The following IGSF1 variants were observed in gnomAD, a reference collection of about 807,000 sequenced individuals.
The protein encoded by IGSF1 is immunoglobulin-like domain-containing protein 1.
In IGSF1, 40 loss-of-function variants were observed where a neutral mutation model predicts 95.3. The ratio of observed to expected loss-of-function variants is 0.42; its 90% confidence interval spans 0.33 to 0.55. The LOEUF (loss-of-function observed/expected upper bound fraction) is 0.55. Among genes scored for constraint, IGSF1 ranks in the 20% least tolerant of loss-of-function variants. IGSF1 has a pLI of 0.10. For missense variants in IGSF1, 906 were observed against 1,025.4 expected, an observed-to-expected ratio of 0.88 and a Z score of 1.59; for synonymous variants, 372 against 382.9, an observed-to-expected ratio of 0.97 and a Z score of 0.33.
Position 131,277,188 on chromosome X carries a change from G to C in IGSF1, c.2359C>G (p.Pro787Ala). The change falls in exon 14 of 20, where the codon CCT (proline) becomes GCT (alanine). Residue 787 changes from proline (P) to alanine (A), a missense_variant. Physicochemically the swap from Pro to Ala is conservative, Grantham distance 27 (BLOSUM62 -1). Coordinates refer to ENST00000361420, the MANE Select transcript of IGSF1 (RefSeq NM_001555.5). ...ACTCGGGCACCAGGGGTGACCACAG[G>C]GCTGGCCCATGTCTTGAAGAAGGGC... is the stretch of plus-strand genomic sequence containing the variant. ...PKPFFKTWASPVVTPGARVTF... is the reference protein window; with the variant it reads ...PKPFFKTWASAVVTPGARVTF... 1 of 1,210,112 alleles carries C rather than the reference G, an allele frequency of 8.3e-7. No homozygotes were observed. The highest frequency in any genetic ancestry group is 1.1e-6 in the Non-Finnish European group (1 of 894,630).
chrX:131,287,998 AC>A (rs1376840238), intron 1 of IGSF1, among the ~76,000 whole-genome samples: 1 of 111,908 alleles, frequency 8.9e-6, no homozygotes, highest in East Asian at 2.8e-4. Context: ...TCAGCCTCAA[AC>A]TTGCCCCAGT....
At chrX:131,288,641 G>A (rs1038785398) in intron 1 of IGSF1, among the ~76,000 whole-genome samples, 1 of 111,319 alleles carries the variant, frequency 9.0e-6, no homozygotes, top group African/African-American at 3.3e-5. Flanking sequence ...CAATCACTAA[G>A]GAAATTGTAC....
At position 131,274,503 on chromosome X, in the gene IGSF1, G is replaced by A. The variant is rs1290359833; in HGVS notation, c.3751+96C>T. 4.2e-6 allele frequency: 4 copies of A among 950,051 alleles called. No individual in the cohort carries two copies. The Admixed American group carries it at 1.2e-4, about 27-fold the overall frequency. The allele number at this position is 950,051 out of a possible 1,213,427, so 78.3% of individuals were successfully genotyped here. A position where few individuals can be genotyped will look rare whatever the true frequency, so the allele number is the denominator to read the frequency against. ...CACACTTCAGGTCCCTGGCTCCAAAGCTCCTCCATTCTCCTGATTTGGGAT... is the reference window on the plus strand; with the variant it reads ...CACACTTCAGGTCCCTGGCTCCAAAACTCCTCCATTCTCCTGATTTGGGAT... On this transcript the variant is annotated intron_variant, in intron 18 of 19. Transcript: ENST00000361420.
chrX:131,289,093 A>C (rs2080683919), intron 1 of IGSF1, 121 bp downstream of exon 1: 1 of 345,487 alleles, frequency 2.9e-6, no homozygotes, highest in Admixed American at 2.7e-5. Context: ...CAGACTGGGG[A>C]GCAGTTTGAT....
chrX:131,278,373 T>C, intron 12 of IGSF1, 88 bp downstream of exon 12: 1 of 864,983 alleles, frequency 1.2e-6, no homozygotes, highest in Non-Finnish European at 1.6e-6. Flanking sequence ...CCAGGGTCCC[T>C]GTGAGTTCAT....
chrX:131,282,987 C>A lies in IGSF1; in HGVS notation c.945G>T (p.Trp315Cys). The A allele has an allele frequency of 3.3e-6, 4 of 1,201,418 alleles. No homozygotes were observed. Among genetic ancestry groups the A allele is most frequent in the Middle Eastern group, 4.6e-4 (2 of 4,323 alleles). ...GSLLSDVLKIWVTDTFPKTWL... is the reference protein window; with the variant it reads ...GSLLSDVLKICVTDTFPKTWL... ...GGCATACCCGTCTCTTACCAGTCAC[C>A]CAGATTTTCAGGACATCACTAAGGA... Residue 315 changes from tryptophan (W) to cysteine (C), a missense_variant, in exon 6 of 20, where the codon TGG becomes TGT. Trp to Cys is a radical substitution (Grantham distance 215, BLOSUM62 -2). Around this residue, in one of 5 missense-constraint regions of IGSF1, gnomAD observed 442 missense variants for 448.1 expected, o/e 0.99. Transcript: ENST00000361420.
intron 12 of IGSF1, among the ~76,000 whole-genome samples, 158 bp from the exon 13 acceptor site, chrX:131,278,292 C>A (rs1477859451): frequency 2.7e-5 from 3 of 110,346 alleles, no homozygotes; most frequent in Non-Finnish European, 5.7e-5. Flanking sequence ...TTCCGCCCCT[C>A]CCCCTACCCC....
rs373571972 is a variant in IGSF1, at chrX:131,274,789, C to A, written c.3561G>T (p.Leu1187=). The A allele has an allele frequency of 4.1e-6, 5 of 1,209,618 alleles. No individual in the cohort carries two copies. In the Admixed American group the frequency reaches 1.1e-4, roughly 26 times the overall value. ...GTTCTAGGACAAATTCAACACCTGGCAGGGGTCCTCGGCACTGAAGGGTGA... is the reference window on the plus strand; with the variant it reads ...GTTCTAGGACAAATTCAACACCTGGAAGGGGTCCTCGGCACTGAAGGGTGA... ...KDITLQCRGP[L]PGVEFVLEHD... Residue 1187 remains leucine, a synonymous_variant, in exon 18 of 20, where the codon CTG becomes CTT. Coordinates refer to ENST00000361420, the MANE Select transcript of IGSF1 (RefSeq NM_001555.5).
At position 131,279,260 on chromosome X, in the gene IGSF1, C is replaced by T. The variant is rs373558178; in HGVS notation, c.1717+11G>A. On this transcript the variant is annotated intron_variant, in intron 10 of 19. Transcript: ENST00000361420. ...CTTCTGCCCGGGGCCCCTTCCCCCA[C>T]TTGTACTCACCACAGCAGAGAAGGG... The T allele has an allele frequency of 1.7e-6, 2 of 1,208,678 alleles. No individual in the cohort carries two copies. Among genetic ancestry groups the T allele is most frequent in the African/African-American group, 3.5e-5 (2 of 56,936 alleles).
rs377509415 is a variant in IGSF1, at chrX:131,275,689, G to A, written c.2973C>T (p.Cys991=). 2.5e-5 allele frequency: 30 copies of A among 1,208,889 alleles called. No homozygotes were observed. The highest frequency in any genetic ancestry group is 3.0e-5 in the Non-Finnish European group (27 of 894,240). Residue 991 remains cysteine (C), a synonymous_variant, in exon 16 of 20, where the codon TGC becomes TGT. Coordinates refer to ENST00000361420, the MANE Select transcript of IGSF1 (RefSeq NM_001555.5). The part of the protein sequence containing the change: ...VPMGQNVTLW[C]RGPVHGVGYI... ...ATCCTACTCCATGGACCGGCCCTCG[G>A]CACCAGAGAGTAACATTCTGCCCCA...
intron 5 of IGSF1, chrX:131,284,571 G>A (rs2080606231): frequency 4.0e-6 from 3 of 750,199 alleles, no homozygotes; most frequent in South Asian, 6.9e-5. Context: ...GGGGGAGTTC[G>A]GGCTGGGACA....
At chrX:131,284,920 A>G in intron 5 of IGSF1, 3 of 747,321 alleles carry the variant, frequency 4.0e-6, no homozygotes, top group Non-Finnish European at 5.2e-6. Flanking sequence ...AGTTGAGAAC[A>G]ACAAAGCTGT....
chrX:131,279,767 G>A (rs756286266), intron 9 of IGSF1, among the ~76,000 whole-genome samples: 1 of 111,792 alleles, frequency 8.9e-6, no homozygotes, highest in Non-Finnish European at 1.9e-5. Context: ...CAGTCATCAA[G>A]TTTAAGTTCG....
In IGSF1 at chrX:131,275,773, G is replaced by A. The variant is rs1569401516; in HGVS notation, c.2897-8C>T. On this transcript the variant is annotated splice_region_variant and splice_polypyrimidine_tract_variant and intron_variant, in intron 15 of 19. Transcript: ENST00000361420. The stretch of plus-strand genomic sequence containing the variant: ...ATGGCTTAGGGAATGTGTCTAGAAA[G>A]AGACCAAGGTTGTAAAGTGGTGACT... The A allele has an allele frequency of 8.3e-7, 1 of 1,204,922 alleles. No homozygotes were observed.
Position 131,281,681 on chromosome X carries a change from G to T in IGSF1, c.1510C>A (p.Leu504Met). ...ATCCTCTCACCTGCTGGCCCCATCA[G>T]CTTCAGGGGCTCACTGCGATGTGAC... ...IWSHRSEPLKLMGPAGYLTWN... is the reference protein window; with the variant it reads ...IWSHRSEPLKMMGPAGYLTWN... The change falls in exon 8 of 20, where the codon CTG (leucine) becomes ATG (methionine). Residue 504 changes from leucine (L) to methionine (M), a missense_variant. Coordinates refer to ENST00000361420, the MANE Select transcript of IGSF1 (RefSeq NM_001555.5). 1 of 1,210,320 alleles carries T rather than the reference G, an allele frequency of 8.3e-7. No individual in the cohort carries two copies. Among genetic ancestry groups the T allele is most frequent in the Non-Finnish European group, 1.1e-6 (1 of 894,507 alleles).
Position 131,281,665 on chromosome X carries a change from C to T in IGSF1, c.1525+1G>A. On this transcript the variant is annotated splice_donor_variant, in intron 8 of 19. Transcript: ENST00000361420. LOFTEE classifies it high-confidence loss of function. ...ATTCCTCTGAAGAGTTATCCTCTCA[C>T]CTGCTGGCCCCATCAGCTTCAGGGG... 8.3e-7 allele frequency: 1 copy of T among 1,207,998 alleles called. No homozygotes were observed. Among genetic ancestry groups the T allele is most frequent in the Non-Finnish European group, 1.1e-6 (1 of 893,079 alleles).
In IGSF1 at chrX:131,282,651, C is replaced by T. The variant is rs767443066; in HGVS notation, c.1039G>A (p.Val347Met). The change falls in exon 7 of 20, where the codon GTG becomes ATG. Residue 347 changes from valine to methionine, a missense_variant. This residue lies in a region of IGSF1 where 442 missense variants were observed against 448.1 expected (regional missense o/e 0.99). Transcript: ENST00000361420. ...QNVSLRCRGP[V>M]DGVGLALYKK... ...TAGAGTGCAAGACCCACTCCATCCA[C>T]TGGTCCTCGACACCGTAGGCTCACA... 4.4e-5 allele frequency: 53 copies of T among 1,210,502 alleles called. No individual in the cohort carries two copies. The highest frequency in any genetic ancestry group is 5.9e-5 in the Non-Finnish European group (53 of 894,240).
At chrX:131,285,153 A>G in intron 5 of IGSF1, 26 bp downstream of exon 5, 2 of 1,146,270 alleles carry the variant, frequency 1.7e-6, no homozygotes, top group Middle Eastern at 2.5e-4. Flanking sequence ...CAATTGCCAG[A>G]TGCCAGCAGC....
chrX:131,286,581 C>T, intron 2 of IGSF1, 24 bp downstream of exon 2: 1 of 1,192,584 alleles, frequency 8.4e-7, no homozygotes, highest in South Asian at 1.8e-5. Flanking sequence ...GGTCACTTGC[C>T]CCTCACCCCT....
Sources: allele counts gnomAD v4.1 joint callset (sites outside exome capture counted in the v4.1 genomes callset), GRCh38; gene constraint gnomAD v4.1.1; regional missense constraint gnomAD v4.1.1; transcripts MANE v1.5; gene names NCBI Gene and HGNC (gene_info 2026-07-23, HGNC 2026-07-21).